The following JMJD1C variants were observed in gnomAD, a reference collection of about 807,000 sequenced individuals.
JMJD1C encodes jumonji domain-containing protein 1C.
In JMJD1C, 31 loss-of-function variants were observed where a neutral mutation model predicts 245.3. The observed-to-expected ratio is 0.13, with a 90% CI of 0.09 to 0.17. The LOEUF (loss-of-function observed/expected upper bound fraction) is 0.17. JMJD1C is among the 10% of genes least tolerant of loss of function. The pLI, the probability that JMJD1C is intolerant of heterozygous loss-of-function variation, is 1.00. For synonymous variants in JMJD1C, 1,057 were observed against 1,017.4 expected, an observed-to-expected ratio of 1.04 and a Z score of -0.74; for missense variants, 2,691 against 3,000.2, an observed-to-expected ratio of 0.90 and a Z score of 2.41.
At chr10:63,280,391 T>C (rs1470718353) in intron 2 of JMJD1C, among the ~76,000 whole-genome samples, 2 of 150,950 alleles carry the variant, frequency 1.3e-5, no homozygotes, top group African/African-American at 4.9e-5. Context: ...CTACTAAAAA[T>C]ACAAAAAAAT....
At chr10:63,444,829 T>C (rs145603959) in intron 1 of JMJD1C, among the ~76,000 whole-genome samples, 97 of 152,260 alleles carry the variant, frequency 6.4e-4, no homozygotes, top group African/African-American at 2.2e-3. Context: ...TAAGCAATGT[T>C]CTCAATGCTG....
chr10:63,506,741 G>T (rs372636549), intron 1 of JMJD1C, among the ~76,000 whole-genome samples: 1 of 152,114 alleles, frequency 6.6e-6, no homozygotes, highest in African/African-American at 2.4e-5. Context: ...TGGTACATTT[G>T]TTACCATCAA....
chr10:63,442,498 C>A (rs1474165747), intron 1 of JMJD1C, among the ~76,000 whole-genome samples: 3 of 152,130 alleles, frequency 2.0e-5, no homozygotes, highest in African/African-American at 7.2e-5. Context: ...TAACTTCTAG[C>A]AATGCAGCAG....
chr10:63,214,555 C>G lies in JMJD1C; in HGVS notation c.1612G>C (p.Asp538His). 1 of 1,613,862 alleles carries G rather than the reference C, an allele frequency of 6.2e-7. No individual in the cohort carries two copies. The highest frequency in any genetic ancestry group is 8.5e-7 in the Non-Finnish European group (1 of 1,179,914). ...TFGLQTLQKM[D>H]PNVSDSKHSI... ...TGTTTTGAATCACTAACATTAGGAT[C>G]CATTTTCTGAAGTGTCTGAAGGCCA... Residue 538 changes from aspartate (D) to histidine (H), a missense_variant, in exon 8 of 26, where the codon GAT becomes CAT. Physicochemically the swap from Asp to His is moderately conservative, Grantham distance 81. Around this residue, in one of 9 missense-constraint regions of JMJD1C, gnomAD observed 1,562 missense variants for 1,490.7 expected, o/e 1.05. Transcript: ENST00000399262.
intron 2 of JMJD1C, among the ~76,000 whole-genome samples, chr10:63,337,778 T>A (rs918101087): frequency 1.3e-5 from 2 of 152,100 alleles, no homozygotes; most frequent in African/African-American, 4.8e-5. Flanking sequence ...AGATGTGTGA[T>A]CATGCTCTCA....
intron 3 of JMJD1C, among the ~76,000 whole-genome samples, chr10:63,234,209 G>C (rs1368617674): frequency 6.8e-6 from 1 of 148,078 alleles, no homozygotes; most frequent in African/African-American, 2.4e-5. Context: ...ACAGACTCTT[G>C]TTTAGAGTCT....
At chr10:63,233,340 A>G (rs191038130) in intron 3 of JMJD1C, among the ~76,000 whole-genome samples, 2 of 152,300 alleles carry the variant, frequency 1.3e-5, no homozygotes, top group East Asian at 3.9e-4. Context: ...ATAAAAGAGT[A>G]TAGTCATTTT....
At chr10:63,513,840 G>A (rs1379361335) in intron 1 of JMJD1C, among the ~76,000 whole-genome samples, 9 of 152,152 alleles carry the variant, frequency 5.9e-5, no homozygotes, top group African/African-American at 9.7e-5. Flanking sequence ...GTGAACCCGG[G>A]AGGTGGAGCG....
At chr10:63,280,390 A>G (rs997007111) in intron 2 of JMJD1C, among the ~76,000 whole-genome samples, 7 of 152,028 alleles carry the variant, frequency 4.6e-5, no homozygotes, top group African/African-American at 1.7e-4. Context: ...TCTACTAAAA[A>G]TACAAAAAAA....
Position 63,189,428 on chromosome 10 carries a change from T to A in JMJD1C, c.6310A>T (p.Thr2104Ser), listed in dbSNP as rs1210923945. 6.2e-7 allele frequency: 1 copy of A among 1,612,464 alleles called. No homozygotes were observed. Among genetic ancestry groups the A allele is most frequent in the Non-Finnish European group, 8.5e-7 (1 of 1,179,522 alleles). The change falls in exon 18 of 26, where the codon ACT (threonine) becomes TCT (serine). Residue 2104 changes from threonine to serine, a missense_variant. Coordinates refer to ENST00000399262, the MANE Select transcript of JMJD1C (RefSeq NM_032776.3). ...MGAPSSKSGRTMPNILDDIIA... is the reference protein window; with the variant it reads ...MGAPSSKSGRSMPNILDDIIA... ...ATGTCATCAAGAATGTTAGGCATAG[T>A]CCGTCCACTTTTGCTACTCTATTAA...
Position 63,186,108 on chromosome 10 carries a change from A to G in JMJD1C, c.6739+107T>C, listed in dbSNP as rs1179019885. ...AATTACTTGTTTCTTTTTATTAGAC[A>G]ACATAAAACAGATGTTTCAAAGACT... On this transcript the variant is annotated intron_variant, in intron 19 of 25. Coordinates refer to ENST00000399262, the MANE Select transcript of JMJD1C (RefSeq NM_032776.3). The G allele has an allele frequency of 6.0e-6, 5 of 837,314 alleles. No individual in the cohort carries two copies. In the African/African-American group the frequency reaches 7.0e-5, roughly 12 times the overall value. 51.9% of individuals were successfully genotyped at this position (837,314 alleles called of 1,614,324 possible). A position where few individuals can be genotyped will look rare whatever the true frequency, so the allele number is the denominator to read the frequency against.
rs7083408 is a variant in JMJD1C at position 63,240,049 on chromosome 10, C to G, written c.448-20066G>C. ...GTTACTTATTACACTTATTATCTAC[C>G]TGGCCTCTCCAGAATTTTAACTCCA... On this transcript the variant is annotated intron_variant, in intron 3 of 25. Transcript: ENST00000399262. Among the ~76,000 whole-genome samples the G allele has an allele frequency of 5.9e-3, 894 of 152,190 alleles. 5 individuals are homozygous for G. The highest frequency in any genetic ancestry group is 0.016 in the African/African-American group (665 of 41,512).
At chr10:63,251,898 A>G (rs1564685425) in intron 3 of JMJD1C, among the ~76,000 whole-genome samples, 3 of 152,132 alleles carry the variant, frequency 2.0e-5, no homozygotes. Flanking sequence ...TGTAATCCCA[A>G]CTACTCGGGA....
In JMJD1C at chr10:63,190,912, T is replaced by C. The variant is rs774138033; in HGVS notation, c.6273A>G (p.Val2091=). Residue 2091 remains valine (V), a synonymous_variant, in exon 17 of 26, where the codon GTA becomes GTG. Transcript: ENST00000399262. ...CACTCACTGGGGCTCCCATTGAATA[T>C]ACTGGGGCAAAGGCAATGCCAGCAT... ...STDAGIAFAP[V]YSMGAPSSKS... 3.7e-6 allele frequency: 6 copies of C among 1,613,988 alleles called. No homozygotes were observed. The Middle Eastern group carries it at 5.0e-4, about 133-fold the overall frequency.
chr10:63,311,867 A>G (rs1939247587), intron 2 of JMJD1C, among the ~76,000 whole-genome samples: 2 of 149,092 alleles, frequency 1.3e-5, no homozygotes, highest in Non-Finnish European at 2.9e-5. Context: ...CAAAATGTTA[A>G]GATGACAACG....
chr10:63,292,336 G>C (rs914700273), intron 2 of JMJD1C, among the ~76,000 whole-genome samples: 5 of 151,836 alleles, frequency 3.3e-5, no homozygotes, highest in Non-Finnish European at 7.4e-5. Context: ...AAATGGCTGG[G>C]TGCAGTGGCT....
chr10:63,244,391 G>A (rs879360557), intron 3 of JMJD1C, among the ~76,000 whole-genome samples: 4 of 152,136 alleles, frequency 2.6e-5, no homozygotes, highest in African/African-American at 7.2e-5. Context: ...AACTACTGGG[G>A]AAAACAAGAA....
chr10:63,333,631 G>T (rs1942394654), intron 2 of JMJD1C, among the ~76,000 whole-genome samples: 1 of 152,132 alleles, frequency 6.6e-6, no homozygotes, highest in African/African-American at 2.4e-5. Context: ...ACCATCTTGT[G>T]GTAAACTCAC....
chr10:63,347,079 T>C (rs1287250128), intron 2 of JMJD1C, among the ~76,000 whole-genome samples: 2 of 148,606 alleles, frequency 1.3e-5, no homozygotes, highest in Admixed American at 1.3e-4. Context: ...TTTTTTTTTT[T>C]TTTTTTTTTG....
Sources: gnomAD v4.1 joint callset for allele counts (sites outside exome capture counted in the v4.1 genomes callset) on GRCh38, gnomAD v4.1.1 for gene constraint, gnomAD v4.1.1 regional missense constraint, MANE v1.5 for transcripts, NCBI Gene and HGNC (gene_info 2026-07-23, HGNC 2026-07-21) for gene names.